The following PCF11 variants were observed in gnomAD, a reference collection of about 807,000 sequenced individuals.
PCF11 encodes the protein PCF11 cleavage and polyadenylation factor subunit.
A neutral mutation model predicts 166.1 loss-of-function variants in PCF11; 19 were observed. The observed-to-expected ratio is 0.11, with a 90% confidence interval of 0.08 to 0.17. PCF11 has a LOEUF of 0.17. Ranked by LOEUF, PCF11 falls within the 10% of genes least tolerant of loss-of-function variation. PCF11 has a pLI of 1.00. For missense variants in PCF11, 1,565 were observed against 1,855.5 expected, an observed-to-expected ratio of 0.84 and a Z score of 2.88; for synonymous variants, 663 against 644.1, an observed-to-expected ratio of 1.03 and a Z score of -0.44.
At chr11:83,174,270 A>G (rs1300416406) in intron 9 of PCF11, among the ~76,000 whole-genome samples, 1 of 152,206 alleles carries the variant, frequency 6.6e-6, no homozygotes, top group Non-Finnish European at 1.5e-5. Flanking sequence ...TCTAGTAGGA[A>G]ATATACCCAT....
intron 9 of PCF11, among the ~76,000 whole-genome samples, chr11:83,175,588 T>A (rs1008531254): frequency 7.2e-5 from 11 of 152,156 alleles, no homozygotes; most frequent in Middle Eastern, 6.8e-3. Flanking sequence ...CCGTCTCTAC[T>A]AAAAATACAA....
In PCF11 at chr11:83,183,017, CTTT is replaced by C; in HGVS notation, c.4417-16_4417-14del. 7.5e-7 allele frequency: 1 copy of C among 1,338,918 alleles called. No homozygotes were observed. Among genetic ancestry groups the C allele is most frequent in the Non-Finnish European group, 1.0e-6 (1 of 955,276 alleles). The allele number at this position is 1,338,918 out of a possible 1,614,324, so 82.9% of individuals were successfully genotyped here. On this transcript the variant is annotated intron_variant, in intron 14 of 15. Coordinates refer to ENST00000298281, the Ensembl canonical transcript of PCF11. The stretch of plus-strand genomic sequence containing the variant: ...TTAGAAATGAATACGCACATATTTA[CTTT>C]TTTTCTTTTTGCTTCAGATTTATCA...
exon 1 of PCF11, chr11:83,157,478 G>A (rs768048998): frequency 6.2e-7 from 1 of 1,612,812 alleles, no homozygotes; most frequent in Admixed American, 1.7e-5. Context: ...GTGCTGCGGG[G>A]GCCCGGGAGG....
chr11:83,157,751 AC>A (rs1282990383), intron 1 of PCF11, 120 bp downstream of exon 1: 8 of 855,102 alleles, frequency 9.4e-6, no homozygotes, highest in Middle Eastern at 2.5e-4. Context: ...CAACCCCCCC[AC>A]CCCCCTCCAA....
rs1185366794 is a variant in PCF11 at position 83,177,703 on chromosome 11, C to G, written c.3878-11C>G. 7.0e-7 allele frequency: 1 copy of G among 1,422,850 alleles called. No homozygotes were observed. The highest frequency in any genetic ancestry group is 1.4e-5 in the African/African-American group (1 of 70,444). The allele number at this position is 1,422,850 out of a possible 1,614,324, so 88.1% of individuals were successfully genotyped here. A position where few individuals can be genotyped will look rare whatever the true frequency, so the allele number is the denominator to read the frequency against. Reference sequence around the variant, plus strand: ...GTATTAAGAAATTTGTATGTCTCTTCTTAATTGAAGAAGTAAGTGAAGTAA... The same window carrying G: ...GTATTAAGAAATTTGTATGTCTCTTGTTAATTGAAGAAGTAAGTGAAGTAA... On this transcript the variant is annotated splice_polypyrimidine_tract_variant and intron_variant, in intron 10 of 15. Transcript: ENST00000298281.
chr11:83,166,782 A>G (rs1860479132), intron 5 of PCF11, 68 bp downstream of exon 5: 1 of 1,406,918 alleles, frequency 7.1e-7, no homozygotes, highest in East Asian at 2.3e-5. Flanking sequence ...TTAATTTAAA[A>G]ATTGGAAAAT....
Position 83,167,789 on chromosome 11 carries a change from T to C in PCF11, c.2092+284T>C. ...CACAGTTTGACAGAAAAGAACAATTTAGTGAAAGAGCAAGACGTCTTTCTC... is the reference window on the plus strand; with the variant it reads ...CACAGTTTGACAGAAAAGAACAATTCAGTGAAAGAGCAAGACGTCTTTCTC... On this transcript the variant is annotated intron_variant, in intron 7 of 15. Transcript: ENST00000298281. This position sits in a 1 kb window ranked among gnomAD's most constrained non-coding sequence, Gnocchi z 4.2. 5 of 1,386,908 alleles carry C rather than the reference T, an allele frequency of 3.6e-6. No individual in the cohort carries two copies. The highest frequency in any genetic ancestry group is 4.7e-6 in the Non-Finnish European group (5 of 1,053,082). 85.9% of individuals were successfully genotyped at this position (1,386,908 alleles called of 1,614,324 possible).
chr11:83,167,536 C>T lies in PCF11; in HGVS notation c.2092+31C>T, dbSNP rs1860514364. On this transcript the variant is annotated intron_variant, in intron 7 of 15. Transcript: ENST00000298281. This position sits in a 1 kb window ranked among gnomAD's most constrained non-coding sequence, Gnocchi z 4.2. ...CATAGATGCAATGTACGGGATAGTCCTACAGAAGAAAATAAAGGTGGATTA... is the reference window on the plus strand; with the variant it reads ...CATAGATGCAATGTACGGGATAGTCTTACAGAAGAAAATAAAGGTGGATTA... The T allele has an allele frequency of 6.2e-7, 1 of 1,601,662 alleles. No individual in the cohort carries two copies. Among genetic ancestry groups the T allele is most frequent in the Admixed American group, 1.7e-5 (1 of 58,046 alleles).
intron 9 of PCF11, among the ~76,000 whole-genome samples, chr11:83,173,471 C>G (rs1469598433): frequency 6.1e-5 from 9 of 147,440 alleles, no homozygotes; most frequent in Admixed American, 6.0e-4. Context: ...AAACCAAAAA[C>G]CAAAAAAAAA....
At chr11:83,170,376 G>A (rs1355486913) in intron 8 of PCF11, among the ~76,000 whole-genome samples, 58 of 152,088 alleles carry the variant, frequency 3.8e-4, no homozygotes, top group Admixed American at 3.8e-3. Flanking sequence ...TGATTGAACT[G>A]TTCTTTGACC....
exon 5 of PCF11, chr11:83,166,713 A>T: frequency 1.3e-6 from 2 of 1,585,406 alleles, no homozygotes; most frequent in Non-Finnish European, 1.7e-6. Context: ...AGAAAATAAA[A>T]GGTATGATGT....
At chr11:83,175,277 A>G (rs1860836298) in intron 9 of PCF11, among the ~76,000 whole-genome samples, 1 of 152,110 alleles carries the variant, frequency 6.6e-6, no homozygotes, top group Non-Finnish European at 1.5e-5. Context: ...GATTACAGGC[A>G]TGGGCTACCA....
chr11:83,169,055 C>G, exon 8 of PCF11: 1 of 1,613,224 alleles, frequency 6.2e-7, no homozygotes, highest in East Asian at 2.2e-5. Flanking sequence ...TTTGATAATC[C>G]CCGAGGTCAG....
At chr11:83,174,986 A>G (rs999662304) in intron 9 of PCF11, among the ~76,000 whole-genome samples, 2 of 152,232 alleles carry the variant, frequency 1.3e-5, no homozygotes, top group African/African-American at 2.4e-5. Flanking sequence ...AGGCAGTATG[A>G]TAAATGTATA....
At position 83,184,806 on chromosome 11, in the gene PCF11, G is replaced by C. The variant is rs368789221; in HGVS notation, c.4580G>C (p.Arg1527Pro). Residue 1527 changes from arginine to proline, a missense_variant, in exon 16 of 16, where the codon CGA becomes CCA. Coordinates refer to ENST00000298281, the Ensembl canonical transcript of PCF11. ...GACAGTCCCAAAGTTAAGGAAGAAC[G>C]AATTGATACACCACCAGCTTGTACA... 6.2e-7 allele frequency: 1 copy of C among 1,606,934 alleles called. No individual in the cohort carries two copies. Among genetic ancestry groups the C allele is most frequent in the Admixed American group, 1.7e-5 (1 of 58,098 alleles).
exon 8 of PCF11, chr11:83,168,515 A>T: frequency 6.2e-7 from 1 of 1,614,068 alleles, no homozygotes; most frequent in Non-Finnish European, 8.5e-7. Flanking sequence ...CCATTTGTAG[A>T]TAGTCCAGCA....
intron 1 of PCF11, chr11:83,158,272 T>C (rs997367823): frequency 6.6e-6 from 1 of 152,162 alleles, no homozygotes; most frequent in African/African-American, 2.4e-5. Context: ...GATAAAACTT[T>C]TATTCTCCTA....
In PCF11 at chr11:83,176,449, A is replaced by G. The variant is rs147201723; in HGVS notation, c.3758-636A>G. On this transcript the variant is annotated intron_variant, in intron 9 of 15. Coordinates refer to ENST00000298281, the Ensembl canonical transcript of PCF11. ...TTGGAACCAACCCAAATGTCCATCA[A>G]TGATAGACTGGATTAAGAAAGTGTG... Among the ~76,000 whole-genome samples the G allele has an allele frequency of 1.2e-3, 177 of 152,320 alleles. 1 individual carries two copies. Among genetic ancestry groups the G allele is most frequent in the African/African-American group, 4.0e-3 (166 of 41,560 alleles).
intron 12 of PCF11, 77 bp from the exon 13 acceptor site, chr11:83,181,777 A>G: frequency 2.1e-6 from 2 of 969,668 alleles, no homozygotes. Context: ...CTACCTTTAA[A>G]TGGCATTATA....
Sources: gnomAD v4.1 joint callset for allele counts (sites outside exome capture counted in the v4.1 genomes callset) on GRCh38, gnomAD v4.1.1 for gene constraint, Gnocchi (gnomAD v3.1) non-coding constraint, MANE v1.5 for transcripts, NCBI Gene and HGNC (gene_info 2026-07-23, HGNC 2026-07-21) for gene names.